MERTK: variants seen among roughly 807,000 people sequenced by gnomAD.
The protein encoded by MERTK is MER proto-oncogene, tyrosine kinase.
In MERTK, 69 loss-of-function variants were observed where a neutral mutation model predicts 99.3. The observed-to-expected ratio is 0.70, with a 90% CI of 0.57 to 0.85. The LOEUF (loss-of-function observed/expected upper bound fraction) is 0.85, where lower values mean the gene tolerates loss of function less well. Ranked by LOEUF, MERTK falls within the 40% of genes least tolerant of loss-of-function variation. The probability of loss-of-function intolerance (pLI) is 0.00; values close to 1 mark genes in which losing one functional copy is unlikely to be tolerated. For missense variants in MERTK, 1,125 were observed against 1,249.4 expected, an observed-to-expected ratio of 0.90 and a Z score of 1.50; for synonymous variants, 426 against 467.6, an observed-to-expected ratio of 0.91 and a Z score of 1.15.
chr2:111,987,025 C>A (rs1018750862), intron 8 of MERTK, among the ~76,000 whole-genome samples: 3 of 152,344 alleles, frequency 2.0e-5, no homozygotes, highest in African/African-American at 7.2e-5. Context: ...CAATTTCCTT[C>A]ATCTCAGAAG....
At chr2:112,003,602 T>C (rs1178082393) in intron 12 of MERTK, among the ~76,000 whole-genome samples, 1 of 152,212 alleles carries the variant, frequency 6.6e-6, no homozygotes, top group Non-Finnish European at 1.5e-5. Flanking sequence ...TAAAAGTTTG[T>C]GCTTTAAAAA....
intron 1 of MERTK, among the ~76,000 whole-genome samples, chr2:111,899,627 C>T (rs1284541602): frequency 6.6e-6 from 1 of 152,082 alleles, no homozygotes; most frequent in Non-Finnish European, 1.5e-5. Flanking sequence ...AAGCGATTCT[C>T]CTGCCTCAGC....
At chr2:111,933,159 T>G (rs1244196023) in intron 2 of MERTK, among the ~76,000 whole-genome samples, 2 of 152,182 alleles carry the variant, frequency 1.3e-5, no homozygotes, top group Non-Finnish European at 2.9e-5. Context: ...TTGCTAAATG[T>G]GCATTGTTTT....
At chr2:112,018,843 G>A (rs758245477) in intron 15 of MERTK, among the ~76,000 whole-genome samples, 5 of 152,196 alleles carry the variant, frequency 3.3e-5, no homozygotes, top group Non-Finnish European at 5.9e-5. Context: ...TCCTGAATAT[G>A]TACTTGTGGT....
intron 4 of MERTK, among the ~76,000 whole-genome samples, chr2:111,953,845 G>A (rs1375181199): frequency 6.6e-6 from 1 of 152,204 alleles, no homozygotes; most frequent in Non-Finnish European, 1.5e-5. Flanking sequence ...AAAGTGCTGG[G>A]ACTACAGGCG....
chr2:111,945,452 T>C (rs997671037), intron 3 of MERTK, among the ~76,000 whole-genome samples: 1 of 152,254 alleles, frequency 6.6e-6, no homozygotes, highest in Non-Finnish European at 1.5e-5. Context: ...GGCTTATTAT[T>C]CAGCATCTTT....
intron 1 of MERTK, among the ~76,000 whole-genome samples, chr2:111,924,372 T>C (rs1684517149): frequency 6.6e-6 from 1 of 152,174 alleles, no homozygotes; most frequent in African/African-American, 2.4e-5. Flanking sequence ...AACTCTCCTT[T>C]ATGCCAGGAT....
chr2:111,968,517 GTTC>G lies in MERTK; in HGVS notation c.960+274_960+276del, dbSNP rs775704660. 2.1e-4 allele frequency among the ~76,000 whole-genome samples: 32 copies of G among 152,084 alleles called. No homozygotes were observed. In the East Asian group the frequency reaches 4.1e-3, roughly 19 times the overall value. On this transcript the variant is annotated intron_variant, in intron 6 of 18. Coordinates refer to ENST00000295408, the MANE Select transcript of MERTK (RefSeq NM_006343.3). ...GGAGAACATCATGAGACCAGGGAGA[GTTC>G]TTCTTCTTTTTTTTTTTGAGACAAA...
intron 5 of MERTK, 77 bp downstream of exon 5, chr2:111,965,354 C>T: frequency 7.1e-7 from 1 of 1,400,630 alleles, no homozygotes; most frequent in Non-Finnish European, 1.0e-6. Context: ...AGCTGGCTGC[C>T]TGGGTGTGGA....
intron 4 of MERTK, among the ~76,000 whole-genome samples, chr2:111,954,831 T>C (rs1277175099): frequency 3.3e-5 from 5 of 152,230 alleles, no homozygotes; most frequent in Non-Finnish European, 5.9e-5. Flanking sequence ...CAGGGGTTAC[T>C]CTCAAAAGTC....
intron 1 of MERTK, among the ~76,000 whole-genome samples, chr2:111,912,705 T>C (rs1277534848): frequency 6.6e-6 from 1 of 152,146 alleles, no homozygotes; most frequent in Non-Finnish European, 1.5e-5. Flanking sequence ...AGGTTGCAAC[T>C]AGATTGTGAA....
intron 1 of MERTK, among the ~76,000 whole-genome samples, chr2:111,899,440 T>C (rs1215781926): frequency 6.6e-6 from 1 of 152,192 alleles, no homozygotes; most frequent in African/African-American, 2.4e-5. Context: ...TTCTTTTCAC[T>C]CCTGTTATGG....
Position 111,926,314 on chromosome 2 carries a change from GA to G in MERTK, c.62-2800del, listed in dbSNP as rs541725860. Among the ~76,000 whole-genome samples the G allele has an allele frequency of 7.0e-4, 107 of 152,188 alleles. 1 individual carries two copies. In the Middle Eastern group the frequency reaches 0.017, roughly 24 times the overall value. On this transcript the variant is annotated intron_variant, in intron 1 of 18. Transcript: ENST00000295408. ...GAAAGGGACCTATATTTAAATGGGG[GA>G]AAAAAGTGATTTGGATTAAACCCCT... is the stretch of plus-strand genomic sequence containing the variant.
At chr2:112,009,100 T>A (rs1298890545) in intron 14 of MERTK, among the ~76,000 whole-genome samples, 1 of 152,238 alleles carries the variant, frequency 6.6e-6, no homozygotes, top group African/African-American at 2.4e-5. Flanking sequence ...TTGAATTTTC[T>A]GCTGACCTTG....
chr2:112,018,173 G>A (rs11684321), intron 15 of MERTK, among the ~76,000 whole-genome samples: 34,339 of 152,100 alleles, frequency 0.23, 4,188 homozygotes, highest in Middle Eastern at 0.4. Flanking sequence ...TGTCCATCTT[G>A]TATCCTACAA....
intron 18 of MERTK, chr2:112,022,616 C>A: frequency 1.3e-6 from 1 of 781,186 alleles, no homozygotes; most frequent in Non-Finnish European, 2.3e-6. Context: ...CTCACTCATC[C>A]AAAGGGCCTC....
intron 7 of MERTK, among the ~76,000 whole-genome samples, chr2:111,982,463 G>A (rs1676391790): frequency 6.6e-6 from 1 of 152,040 alleles, no homozygotes; most frequent in African/African-American, 2.4e-5. Context: ...TCTCACTGTA[G>A]CCTCAATCTC....
intron 2 of MERTK, chr2:111,940,402 A>G: frequency 1.9e-6 from 1 of 532,086 alleles, no homozygotes; most frequent in Non-Finnish European, 3.8e-6. Flanking sequence ...TAGCTGTCTG[A>G]GCTCTTCTGT....
At chr2:111,899,334 G>A (rs1175423060) in intron 1 of MERTK, among the ~76,000 whole-genome samples, 1 of 152,174 alleles carries the variant, frequency 6.6e-6, no homozygotes, top group Non-Finnish European at 1.5e-5. Context: ...ACGGGCCAGG[G>A]GGGGACGGCA....
Sources: allele counts gnomAD v4.1 joint callset (sites outside exome capture counted in the v4.1 genomes callset), GRCh38; gene constraint gnomAD v4.1.1; transcripts MANE v1.5; gene names NCBI Gene and HGNC (gene_info 2026-07-23, HGNC 2026-07-21).